ZNF600: variants seen among roughly 807,000 people sequenced by gnomAD.
ZNF600 encodes zinc finger protein KR-ZNF1.
In ZNF600, 4 loss-of-function variants were observed where a neutral mutation model predicts 7.3. The observed-to-expected ratio is 0.55, with a 90% CI of 0.27 to 1.25. The LOEUF (loss-of-function observed/expected upper bound fraction) is 1.25, where lower values mean the gene tolerates loss of function less well. Ranked by LOEUF, ZNF600 falls within the 50% of genes most tolerant of loss-of-function variation. The pLI, the probability that ZNF600 is intolerant of heterozygous loss-of-function variation, is 0.12. For synonymous variants in ZNF600, 290 were observed against 308.9 expected (o/e 0.94, Z 0.64); for missense variants, 911 against 922.1 (o/e 0.99, Z 0.16).
chr19:52,767,433 C>G (rs747977903), exon 4 of ZNF600: 3 of 1,614,120 alleles, frequency 1.9e-6, no homozygotes, highest in Non-Finnish European at 2.5e-6. Flanking sequence ...AAATTGATTA[C>G]CAATTTTACC....
chr19:52,828,713 C>G, the ZNF600 span, among the ~76,000 whole-genome samples: 17 of 152,202 alleles, frequency 1.1e-4, no homozygotes, highest in Non-Finnish European at 1.3e-4. Flanking sequence ...TGCAGGCTCC[C>G]TGGTCTGAAT....
intron 3 of ZNF600, among the ~76,000 whole-genome samples, chr19:52,768,345 C>A (rs755469733): frequency 2.0e-5 from 3 of 147,870 alleles, no homozygotes; most frequent in Non-Finnish European, 4.4e-5. Flanking sequence ...GAGGCTGAGG[C>A]ATAAGAATCA....
rs144421048 is a variant in ZNF600 at position 52,767,443 on chromosome 19, C to G, written c.520G>C (p.Gly174Arg). 11 of 1,614,108 alleles carry G rather than the reference C, an allele frequency of 6.8e-6. No individual in the cohort carries two copies. The highest frequency in any genetic ancestry group is 2.2e-5 in the East Asian group (1 of 44,872). Residue 174 changes from glycine (G) to arginine (R), a missense_variant, in exon 4 of 4, where the codon GGT (glycine) becomes CGT (arginine). Coordinates refer to ENST00000648973, the Ensembl canonical transcript of ZNF600. Reference sequence around the variant, plus strand: ...TTCTCAAATTGATTACCAATTTTACCTTTGATCTGAATTATGTGGAGTTCA... The same window carrying G: ...TTCTCAAATTGATTACCAATTTTACGTTTGATCTGAATTATGTGGAGTTCA...
At chr19:52,832,342 T>G in the ZNF600 span, among the ~76,000 whole-genome samples, 2 of 152,104 alleles carry the variant, frequency 1.3e-5, no homozygotes, top group Admixed American at 1.3e-4. Context: ...AGGCTTGTAA[T>G]CCCAGCACTT....
At chr19:52,774,810 C>G (rs2062660068) in intron 2 of ZNF600, 109 bp from the exon 5 acceptor site, 1 of 984,038 alleles carries the variant, frequency 1.0e-6, no homozygotes. Context: ...TGTGTTCTGA[C>G]AAAATGTTAA....
the ZNF600 span, among the ~76,000 whole-genome samples, chr19:52,806,417 C>T: frequency 6.6e-6 from 1 of 152,056 alleles, no homozygotes; most frequent in Admixed American, 6.6e-5. Context: ...TAGTTTTGAA[C>T]TCCTGACTTC....
At chr19:52,809,837 CGGT>C in the ZNF600 span, 10 of 553,998 alleles carry the variant, frequency 1.8e-5, no homozygotes, top group Middle Eastern at 4.9e-4. Context: ...GCGGCGGCGG[CGGT>C]GGCGGTGGTG....
the ZNF600 span, chr19:52,801,193 T>C: frequency 3.1e-6 from 5 of 1,614,052 alleles, no homozygotes; most frequent in Admixed American, 5.0e-5. Flanking sequence ...CCACTCTCAA[T>C]ACATTGGAAA....
At chr19:52,767,733 G>A (rs2062599901) in exon 4 of ZNF600, 3 of 1,590,634 alleles carry the variant, frequency 1.9e-6, no homozygotes, top group Non-Finnish European at 2.6e-6. Context: ...GCCTTGCCCT[G>A]TTGACAAGAC....
At chr19:52,828,327 C>T in the ZNF600 span, among the ~76,000 whole-genome samples, 3 of 152,092 alleles carry the variant, frequency 2.0e-5, no homozygotes, top group Non-Finnish European at 2.9e-5. Flanking sequence ...CCTAGGATTA[C>T]AGGCATGAGG....
At chr19:52,825,860 C>T in the ZNF600 span, among the ~76,000 whole-genome samples, 1 of 152,138 alleles carries the variant, frequency 6.6e-6, no homozygotes, top group African/African-American at 2.4e-5. Flanking sequence ...TAGTGGCACA[C>T]ACCTTTAGTC....
At chr19:52,819,701 C>T in the ZNF600 span, among the ~76,000 whole-genome samples, 1,999 of 140,498 alleles carry the variant, frequency 0.014, 233 homozygotes, top group African/African-American at 0.042. Context: ...ATGGGATGGA[C>T]TGGTCTTATC....
At chr19:52,767,930 C>T (rs1476007156) in intron 3 of ZNF600, among the ~76,000 whole-genome samples, 158 bp from the exon 6 acceptor site, 4 of 152,056 alleles carry the variant, frequency 2.6e-5, no homozygotes, top group African/African-American at 4.8e-5. Flanking sequence ...CTTTAATAAA[C>T]AAGGGGCAAT....
chr19:52,776,686 A>G (rs1166590088), intron 2 of ZNF600, among the ~76,000 whole-genome samples: 6 of 152,198 alleles, frequency 3.9e-5, no homozygotes, highest in Non-Finnish European at 8.8e-5. Flanking sequence ...AAAATAGTTA[A>G]AATCATTACA....
the ZNF600 span, among the ~76,000 whole-genome samples, chr19:52,809,514 A>G: frequency 2.0e-5 from 3 of 152,348 alleles, no homozygotes; most frequent in South Asian, 2.1e-4. Context: ...AACAGAAAAC[A>G]TAACTATTAT....
At chr19:52,801,380 C>G in the ZNF600 span, 1 of 1,614,042 alleles carries the variant, frequency 6.2e-7, no homozygotes, top group African/African-American at 1.3e-5. Context: ...TCCCTTCAGG[C>G]TGAAATATGT....
At chr19:52,789,886 T>A (rs927754556), upstream of ZNF600, among the ~76,000 whole-genome samples, 10 of 151,778 alleles carry the variant, frequency 6.6e-5, no homozygotes, top group African/African-American at 2.4e-4. Context: ...TGAAGGGAGA[T>A]AGGGGTGGGG....
At chr19:52,787,531 C>G (rs190117600), upstream of ZNF600, among the ~76,000 whole-genome samples, 401 of 147,986 alleles carry the variant, frequency 2.7e-3, 3 homozygotes, top group Middle Eastern at 0.011. Context: ...CTCAGCCTTT[C>G]GAGTAACTGG....
chr19:52,787,859 CAAA>C (rs561775430), upstream of ZNF600, among the ~76,000 whole-genome samples: 1 of 84,516 alleles, frequency 1.2e-5, no homozygotes. Flanking sequence ...GGCTACGTCT[CAAA>C]AAAAAAAAAG....
Sources: allele counts gnomAD v4.1 joint callset (sites outside exome capture counted in the v4.1 genomes callset), GRCh38; gene constraint gnomAD v4.1.1; transcripts MANE v1.5; gene names NCBI Gene and HGNC (gene_info 2026-07-23, HGNC 2026-07-21).